Variants in TMEM38B observed in about 807,000 individuals in gnomAD.
TMEM38B encodes the protein transmembrane protein 38B, also known as trimeric intracellular cation channel type B.
In TMEM38B, 24 loss-of-function variants were observed where a neutral mutation model predicts 28.7. That is an observed-to-expected ratio of 0.84 (90% CI 0.61 to 1.18). TMEM38B has a LOEUF of 1.18. TMEM38B is among the 50% of genes most tolerant of loss of function. TMEM38B has a pLI of 0.00. For synonymous variants in TMEM38B, 131 were observed against 127.7 expected (o/e 1.03, Z -0.17); for missense variants, 380 against 350.9 (o/e 1.08, Z -0.66).
At chr9:105,740,200 A>G (rs1210816221) in intron 4 of TMEM38B, among the ~76,000 whole-genome samples, 1 of 150,246 alleles carries the variant, frequency 6.7e-6, no homozygotes, top group Non-Finnish European at 1.5e-5. Context: ...TTTTTCAGTA[A>G]TGTTTTATAG....
intron 2 of TMEM38B, among the ~76,000 whole-genome samples, chr9:105,711,821 A>G (rs1835914545): frequency 7.4e-6 from 1 of 134,952 alleles, no homozygotes; most frequent in Non-Finnish European, 1.6e-5. Flanking sequence ...CCCTGTCTCC[A>G]AAAAAAAAAA....
intron 2 of TMEM38B, among the ~76,000 whole-genome samples, chr9:105,713,661 A>AG (rs1835988474): frequency 6.6e-6 from 1 of 152,138 alleles, no homozygotes; most frequent in African/African-American, 2.4e-5. Context: ...TCTTGGTGGA[A>AG]GGGGGCGGGT....
At chr9:105,707,700 C>G (rs1835726611) in intron 2 of TMEM38B, among the ~76,000 whole-genome samples, 1 of 152,076 alleles carries the variant, frequency 6.6e-6, no homozygotes, top group African/African-American at 2.4e-5. Flanking sequence ...TTCCATTTGA[C>G]AAATGATAAA....
At chr9:105,729,936 A>C (rs1450393123) in intron 4 of TMEM38B, among the ~76,000 whole-genome samples, 1 of 152,160 alleles carries the variant, frequency 6.6e-6, no homozygotes, top group African/African-American at 2.4e-5. Context: ...TTGTATCCTG[A>C]AAATTTGCTG....
chr9:105,721,090 A>G (rs1836300351), intron 2 of TMEM38B, among the ~76,000 whole-genome samples: 1 of 152,138 alleles, frequency 6.6e-6, no homozygotes, highest in South Asian at 2.1e-4. Context: ...TGAATATGTT[A>G]TTTGAGATTG....
intron 5 of TMEM38B, 111 bp downstream of exon 5, chr9:105,748,301 T>C (rs574498921): frequency 2.2e-4 from 166 of 743,252 alleles, no homozygotes; most frequent in Non-Finnish European, 3.3e-4. Context: ...TATTATTATC[T>C]AAGAGGAATA....
At chr9:105,705,265 G>A (rs10119128) in intron 1 of TMEM38B, among the ~76,000 whole-genome samples, 35,490 of 152,028 alleles carry the variant, frequency 0.23, 6,803 homozygotes, top group African/African-American at 0.51. Flanking sequence ...GTCTGGGAGT[G>A]CTTACTGTAG....
At chr9:105,714,332 A>G (rs964204597) in intron 2 of TMEM38B, among the ~76,000 whole-genome samples, 3 of 152,082 alleles carry the variant, frequency 2.0e-5, no homozygotes, top group African/African-American at 7.2e-5. Flanking sequence ...CTCACCCTCC[A>G]CTTGTCTGAA....
Position 105,748,117 on chromosome 9 carries a change from A to G in TMEM38B, c.587A>G (p.Gln196Arg). Residue 196 changes from glutamine to arginine, a missense_variant, in exon 5 of 6, where the codon CAG becomes CGG. Transcript: ENST00000374692. ...TLLGSVIFTF[Q>R]HTQHLAISKH... Reference sequence around the variant, plus strand: ...CTGGGGTCAGTTATCTTCACATTCCAGCACACCCAGCATCTGGCAATATCA... The same window carrying G: ...CTGGGGTCAGTTATCTTCACATTCCGGCACACCCAGCATCTGGCAATATCA... 1 of 1,613,618 alleles carries G rather than the reference A, an allele frequency of 6.2e-7. No individual in the cohort carries two copies. The highest frequency in any genetic ancestry group is 8.5e-7 in the Non-Finnish European group (1 of 1,179,706).
At chr9:105,702,716 G>A (rs1262433963) in intron 1 of TMEM38B, 1 of 152,074 alleles carries the variant, frequency 6.6e-6, no homozygotes, top group Non-Finnish European at 1.5e-5. Context: ...GGGTCTCACT[G>A]TGTTGTCTAG....
chr9:105,735,344 G>C (rs1351907325), intron 4 of TMEM38B, among the ~76,000 whole-genome samples: 1 of 152,006 alleles, frequency 6.6e-6, no homozygotes, highest in Non-Finnish European at 1.5e-5. Flanking sequence ...ACAGCACTGG[G>C]GTATTTTGAG....
intron 5 of TMEM38B, among the ~76,000 whole-genome samples, chr9:105,772,161 A>G (rs938146719): frequency 8.5e-5 from 13 of 152,178 alleles, no homozygotes; most frequent in Non-Finnish European, 1.6e-4. Flanking sequence ...GCTGGCTGCT[A>G]AAGTATCTGC....
At chr9:105,764,210 T>A (rs1016987287) in intron 5 of TMEM38B, among the ~76,000 whole-genome samples, 1 of 152,092 alleles carries the variant, frequency 6.6e-6, no homozygotes, top group Non-Finnish European at 1.5e-5. Flanking sequence ...CTATTCAACA[T>A]AGTGTTGGAA....
At chr9:105,717,953 A>G (rs939135005) in intron 2 of TMEM38B, among the ~76,000 whole-genome samples, 1 of 152,176 alleles carries the variant, frequency 6.6e-6, no homozygotes, top group Non-Finnish European at 1.5e-5. Context: ...ATTTTATTCA[A>G]TTACGTGTTA....
At chr9:105,755,212 A>G (rs1024113788) in intron 5 of TMEM38B, among the ~76,000 whole-genome samples, 10 of 152,238 alleles carry the variant, frequency 6.6e-5, no homozygotes, top group Non-Finnish European at 1.0e-4. Flanking sequence ...CCAGAGGTAC[A>G]AAGAATTGCT....
At chr9:105,765,443 G>T (rs1053829110) in intron 5 of TMEM38B, among the ~76,000 whole-genome samples, 2 of 152,178 alleles carry the variant, frequency 1.3e-5, no homozygotes, top group African/African-American at 4.8e-5. Context: ...TACTACCACA[G>T]TCAATGTATG....
intron 5 of TMEM38B, among the ~76,000 whole-genome samples, chr9:105,765,889 C>T (rs2133647885): frequency 6.6e-6 from 1 of 152,174 alleles, no homozygotes; most frequent in Non-Finnish European, 1.5e-5. Flanking sequence ...GCAACCTCCG[C>T]CGCATGGGTT....
intron 4 of TMEM38B, among the ~76,000 whole-genome samples, chr9:105,738,670 G>A (rs1222292764): frequency 7.0e-6 from 1 of 142,202 alleles, no homozygotes; most frequent in Non-Finnish European, 1.5e-5. Context: ...TCTTTTAAGA[G>A]TTAACTTAAA....
chr9:105,720,646 T>C (rs1200089814), intron 2 of TMEM38B, among the ~76,000 whole-genome samples: 2 of 152,148 alleles, frequency 1.3e-5, no homozygotes, highest in Non-Finnish European at 2.9e-5. Flanking sequence ...ATTCTGACTT[T>C]ATAAATCGTG....
Sources: gnomAD v4.1 joint callset for allele counts (sites outside exome capture counted in the v4.1 genomes callset) on GRCh38, gnomAD v4.1.1 for gene constraint, MANE v1.5 for transcripts, NCBI Gene and HGNC (gene_info 2026-07-23, HGNC 2026-07-21) for gene names.